DOK5: variants seen among roughly 807,000 people sequenced by gnomAD.
DOK5 encodes docking protein 5.
In DOK5, 27 loss-of-function variants were observed where a neutral mutation model predicts 43.3. That is an observed-to-expected ratio of 0.62 (90% CI 0.46 to 0.86). DOK5 has a LOEUF of 0.86. Ranked by LOEUF, DOK5 falls within the 40% of genes least tolerant of loss-of-function variation. DOK5 has a pLI of 0.00. For synonymous variants in DOK5, 146 were observed against 140.1 expected (o/e 1.04, Z -0.30); for missense variants, 373 against 392.9 (o/e 0.95, Z 0.43).
At chr20:54,623,511 A>G (rs1159850664) in intron 6 of DOK5, among the ~76,000 whole-genome samples, 1 of 152,168 alleles carries the variant, frequency 6.6e-6, no homozygotes, top group Non-Finnish European at 1.5e-5. Flanking sequence ...AGTGCATGTA[A>G]GGCAACGAGA....
At chr20:54,536,208 G>A (rs977111596) in intron 1 of DOK5, among the ~76,000 whole-genome samples, 1 of 152,128 alleles carries the variant, frequency 6.6e-6, no homozygotes, top group Admixed American at 6.6e-5. Context: ...GAGGCCTAGG[G>A]GGTGCTTTAG....
At chr20:54,498,829 T>A (rs1568755506) in intron 1 of DOK5, among the ~76,000 whole-genome samples, 2 of 152,212 alleles carry the variant, frequency 1.3e-5, no homozygotes, top group African/African-American at 4.8e-5. Flanking sequence ...ACTTTTTTTC[T>A]CCCCTGTGGA....
intron 7 of DOK5, among the ~76,000 whole-genome samples, chr20:54,646,781 C>G (rs1979451532): frequency 2.0e-5 from 3 of 151,968 alleles, no homozygotes; most frequent in Admixed American, 2.0e-4. Context: ...ACTTGGGGGC[C>G]TGGGGTGTGC....
chr20:54,493,442 T>G (rs1436733202), intron 1 of DOK5, among the ~76,000 whole-genome samples: 1 of 152,180 alleles, frequency 6.6e-6, no homozygotes, highest in East Asian at 1.9e-4. Flanking sequence ...TAATTACTGC[T>G]CATCTTGAAA....
At chr20:54,565,548 T>G (rs1375013578) in intron 2 of DOK5, among the ~76,000 whole-genome samples, 1 of 152,184 alleles carries the variant, frequency 6.6e-6, no homozygotes, top group African/African-American at 2.4e-5. Context: ...GAGGATCACT[T>G]GAGCCCAGGA....
At chr20:54,616,857 G>A (rs539520730) in intron 6 of DOK5, among the ~76,000 whole-genome samples, 26 of 139,428 alleles carry the variant, frequency 1.9e-4, no homozygotes, top group Admixed American at 9.6e-4. Context: ...GCGCTATCTC[G>A]GCTCACTGCA....
At chr20:54,614,949 A>G (rs1042105719) in intron 6 of DOK5, among the ~76,000 whole-genome samples, 28 of 152,244 alleles carry the variant, frequency 1.8e-4, no homozygotes, top group Non-Finnish European at 4.0e-4. Flanking sequence ...GTGGATCCAC[A>G]TAGCCCTGGC....
intron 2 of DOK5, among the ~76,000 whole-genome samples, chr20:54,560,297 C>T (rs6023362): frequency 0.18 from 27,138 of 152,128 alleles, 2,900 homozygotes; most frequent in African/African-American, 0.31. Context: ...GAGTCATCCC[C>T]TCCTCATGTA....
chr20:54,496,658 T>C (rs1221474223), intron 1 of DOK5, among the ~76,000 whole-genome samples: 1 of 144,814 alleles, frequency 6.9e-6, no homozygotes, highest in Non-Finnish European at 1.5e-5. Flanking sequence ...CCCAGCTACT[T>C]GGGAGGCTGA....
At chr20:54,638,275 G>C (rs1404405802) in intron 6 of DOK5, among the ~76,000 whole-genome samples, 1 of 152,204 alleles carries the variant, frequency 6.6e-6, no homozygotes, top group East Asian at 1.9e-4. Flanking sequence ...GACATCAGGA[G>C]AGTATCTAAA....
chr20:54,650,649 C>A lies in DOK5; in HGVS notation c.*170C>A. ...GCAATACAATAATTTTCTTTATTTT[C>A]TTTTTCTTTTTTAAATTCTTAGTGT... On this transcript the variant is annotated 3_prime_UTR_variant, in exon 8 of 8. Coordinates refer to ENST00000262593, the MANE Select transcript of DOK5 (RefSeq NM_018431.5). The A allele has an allele frequency of 1.8e-6, 1 of 565,012 alleles. No homozygotes were observed. The highest frequency in any genetic ancestry group is 2.7e-5 in the South Asian group (1 of 36,820). 35.0% of individuals were successfully genotyped at this position (565,012 alleles called of 1,614,324 possible).
rs556884561 is a variant in DOK5 at position 54,542,997 on chromosome 20, T to C, written c.67-11936T>C. Reference sequence around the variant, plus strand: ...ATAGAGTTGGTAGCTTAGAGTAGAGTAGCATAGAGTAAGTAGCTTAGAGTA... The same window carrying C: ...ATAGAGTTGGTAGCTTAGAGTAGAGCAGCATAGAGTAAGTAGCTTAGAGTA... On this transcript the variant is annotated intron_variant, in intron 1 of 7. Coordinates refer to ENST00000262593, the MANE Select transcript of DOK5 (RefSeq NM_018431.5). Among the ~76,000 whole-genome samples the C allele has an allele frequency of 2.2e-3, 331 of 152,150 alleles. 2 individuals are homozygous for C. The highest frequency in any genetic ancestry group is 7.7e-3 in the African/African-American group (321 of 41,504).
At chr20:54,530,299 A>G (rs983341031) in intron 1 of DOK5, among the ~76,000 whole-genome samples, 1 of 152,130 alleles carries the variant, frequency 6.6e-6, no homozygotes, top group African/African-American at 2.4e-5. Flanking sequence ...TTTATTTGAC[A>G]TATTTTGAGA....
chr20:54,621,620 T>C (rs557658437), intron 6 of DOK5, among the ~76,000 whole-genome samples: 153 of 149,532 alleles, frequency 1.0e-3, no homozygotes, highest in Non-Finnish European at 2.0e-3. Flanking sequence ...ACCCGGAAAG[T>C]GGAGGTTGCA....
intron 6 of DOK5, among the ~76,000 whole-genome samples, chr20:54,615,569 A>C (rs1282460208): frequency 1.3e-5 from 2 of 152,176 alleles, no homozygotes; most frequent in Non-Finnish European, 2.9e-5. Context: ...TGAAGGTGGA[A>C]GAAGGGACTG....
chr20:54,639,086 G>A (rs4811514), intron 6 of DOK5, among the ~76,000 whole-genome samples: 117,214 of 152,148 alleles, frequency 0.77, 45,516 homozygotes, highest in East Asian at 1. Flanking sequence ...CTAAGAAAGG[G>A]AAGCCCAGAT....
chr20:54,612,741 A>G (rs1298334404), intron 6 of DOK5, among the ~76,000 whole-genome samples: 1 of 152,186 alleles, frequency 6.6e-6, no homozygotes, highest in African/African-American at 2.4e-5. Context: ...GAAAACTGTG[A>G]CTAATATAAC....
At chr20:54,636,107 A>C (rs1472295800) in intron 6 of DOK5, among the ~76,000 whole-genome samples, 1 of 152,212 alleles carries the variant, frequency 6.6e-6, no homozygotes, top group Non-Finnish European at 1.5e-5. Flanking sequence ...AATACACCTG[A>C]AACCGCCTTT....
chr20:54,578,056 A>G (rs570239499), intron 2 of DOK5, among the ~76,000 whole-genome samples: 1 of 152,250 alleles, frequency 6.6e-6, no homozygotes, highest in South Asian at 2.1e-4. Flanking sequence ...CTAGGGAGAG[A>G]ATCATTTTTG....
Sources: gnomAD v4.1 joint callset for allele counts (sites outside exome capture counted in the v4.1 genomes callset) on GRCh38, gnomAD v4.1.1 for gene constraint, MANE v1.5 for transcripts, NCBI Gene and HGNC (gene_info 2026-07-23, HGNC 2026-07-21) for gene names.